The following MEIOSIN variants were observed in gnomAD, a reference collection of about 807,000 sequenced individuals.
MEIOSIN encodes meiosis initiator protein.
A neutral mutation model predicts 23.4 loss-of-function variants in MEIOSIN; 18 were observed. The observed-to-expected ratio is 0.77, with a 90% CI of 0.53 to 1.14. The LOEUF is 1.14. Ranked by LOEUF, MEIOSIN falls within the 50% of genes most tolerant of loss-of-function variation. The pLI is 0.00. For synonymous variants in MEIOSIN, 187 were observed against 100.6 expected (o/e 1.86, Z -5.14); for missense variants, 428 against 242.9 (o/e 1.76, Z -5.07).
intron 2 of MEIOSIN, among the ~76,000 whole-genome samples, chr19:45,736,720 C>A (rs1433152763): frequency 2.6e-5 from 4 of 151,952 alleles, no homozygotes; most frequent in African/African-American, 9.7e-5. Context: ...AGGCGCCCAC[C>A]ACCATGCCTG....
Position 45,757,204 on chromosome 19 carries a change from C to A in MEIOSIN, c.939C>A (p.Ser313Arg), listed in dbSNP as rs780580976. ...AGAAGCTGGTGTTCTATGATTCCAG[C>A]GAGGATGTGGACAAAGGGTCCCTAG... is the stretch of plus-strand genomic sequence containing the variant. The part of the protein sequence containing the change: ...PRQKLVFYDS[S>R]EDVDKGSLDA... The change falls in exon 9 of 15, where the codon AGC (serine) becomes AGA (arginine). Residue 313 changes from serine (S) to arginine (R), a missense_variant. By Grantham distance (110) the Ser-to-Arg change is moderately radical (BLOSUM62 -1). Transcript: ENST00000457052. 2.7e-5 allele frequency: 19 copies of A among 702,810 alleles called. No individual in the cohort carries two copies. The highest frequency in any genetic ancestry group is 2.6e-4 in the African/African-American group (15 of 57,256). 43.5% of individuals were successfully genotyped at this position (702,810 alleles called of 1,614,324 possible).
chr19:45,737,817 G>A (rs1417139918), intron 2 of MEIOSIN, among the ~76,000 whole-genome samples: 1 of 151,726 alleles, frequency 6.6e-6, no homozygotes, highest in Non-Finnish European at 1.5e-5. Context: ...AGCTACTTGG[G>A]AGGCTGAGAC....
At chr19:45,734,610 C>G (rs766967860) in intron 1 of MEIOSIN, among the ~76,000 whole-genome samples, 2 of 151,524 alleles carry the variant, frequency 1.3e-5, no homozygotes, top group Non-Finnish European at 2.9e-5. Context: ...CTCAAACCAT[C>G]CCCCCACCTC....
intron 2 of MEIOSIN, among the ~76,000 whole-genome samples, chr19:45,736,955 G>A (rs1384671771): frequency 3.6e-5 from 5 of 139,454 alleles, no homozygotes; most frequent in Admixed American, 1.5e-4. Context: ...TGCAACCTCC[G>A]CCTCCCGGGT....
chr19:45,760,001 A>C (rs956945781), intron 11 of MEIOSIN, among the ~76,000 whole-genome samples: 5 of 151,670 alleles, frequency 3.3e-5, no homozygotes, highest in African/African-American at 1.2e-4. Flanking sequence ...GGGGTTCACC[A>C]TGTTGGCCAG....
intron 6 of MEIOSIN, 136 bp downstream of exon 6, chr19:45,753,924 T>G: frequency 1.7e-6 from 1 of 597,140 alleles, no homozygotes; most frequent in Non-Finnish European, 3.0e-6. Context: ...CTCCTTGTAT[T>G]AGCACTGAGG....
In MEIOSIN at chr19:45,754,716, A is replaced by G; in HGVS notation, c.794A>G (p.Asp265Gly). ...CTGGCCGAGGACACCATCCACTGTG[A>G]CATCTCAAGTGGGTCTCTTTCCTCA... ...LDLAEDTIHC[D>G]ISSCWCQGSV... Residue 265 changes from aspartate (D) to glycine (G), a missense_variant, in exon 7 of 15, where the codon GAC becomes GGC. Asp to Gly is a moderately conservative substitution (Grantham distance 94). Coordinates refer to ENST00000457052, the MANE Select transcript of MEIOSIN (RefSeq NM_001310124.2). 1 of 703,042 alleles carries G rather than the reference A, an allele frequency of 1.4e-6. No homozygotes were observed. The highest frequency in any genetic ancestry group is 2.6e-6 in the Non-Finnish European group (1 of 385,026). The allele number at this position is 703,042 out of a possible 1,614,324, so 43.6% of individuals were successfully genotyped here.
intron 3 of MEIOSIN, among the ~76,000 whole-genome samples, chr19:45,744,385 A>G (rs1968556359): frequency 6.6e-6 from 1 of 152,140 alleles, no homozygotes; most frequent in South Asian, 2.1e-4. Context: ...CTTCATAGAC[A>G]TATGACCTGG....
intron 2 of MEIOSIN, among the ~76,000 whole-genome samples, chr19:45,737,406 C>T (rs1052108952): frequency 3.3e-5 from 5 of 151,612 alleles, no homozygotes; most frequent in Non-Finnish European, 4.4e-5. Context: ...TCTCAAACTC[C>T]TGGGATCCAG....
intron 2 of MEIOSIN, among the ~76,000 whole-genome samples, chr19:45,736,430 T>C (rs576230182): frequency 1.3e-5 from 2 of 152,212 alleles, no homozygotes; most frequent in South Asian, 4.1e-4. Flanking sequence ...TGGCGCGATC[T>C]TGGTTCACTG....
At chr19:45,762,986 A>T (rs1968978849) in intron 13 of MEIOSIN, among the ~76,000 whole-genome samples, 1 of 152,180 alleles carries the variant, frequency 6.6e-6, no homozygotes, top group Non-Finnish European at 1.5e-5. Context: ...GGTTTTAAGC[A>T]AAGTCCTTGG....
chr19:45,750,580 C>G (rs186862426), intron 4 of MEIOSIN, 95 bp from the exon 5 acceptor site: 2 of 371,932 alleles, frequency 5.4e-6, no homozygotes, highest in Non-Finnish European at 9.8e-6. Flanking sequence ...AGGCTGGTCT[C>G]GAACTCCTGA....
At chr19:45,745,070 C>G (rs1255108909) in intron 3 of MEIOSIN, 122 bp from the exon 4 acceptor site, 1 of 646,362 alleles carries the variant, frequency 1.5e-6, no homozygotes, top group Non-Finnish European at 2.8e-6. Context: ...GGATTCTGTC[C>G]TCGGTGTCCA....
chr19:45,744,301 T>C (rs982815640), intron 3 of MEIOSIN, among the ~76,000 whole-genome samples: 1 of 152,074 alleles, frequency 6.6e-6, no homozygotes, highest in African/African-American at 2.4e-5. Context: ...ATGACAGGTG[T>C]GAGCCACCAT....
In MEIOSIN at chr19:45,756,028, G is replaced by A. The variant is rs1355519513; in HGVS notation, c.861G>A (p.Gln287=). ...DDAPFPALLA[Q]EDVARIHFLN... ...CACCTTTCCCTGCGCTCCTGGCTCA[G>A]GAAGATGTGGCGAGGATCCATTTTC... Residue 287 remains glutamine (Q), a synonymous_variant, in exon 8 of 15, where the codon CAG becomes CAA. Transcript: ENST00000457052. The A allele has an allele frequency of 2.8e-6, 2 of 702,846 alleles. No individual in the cohort carries two copies. The highest frequency in any genetic ancestry group is 5.2e-6 in the Non-Finnish European group (2 of 385,022). The allele number at this position is 702,846 out of a possible 1,614,324, so 43.5% of individuals were successfully genotyped here.
chr19:45,753,613 G>A, intron 5 of MEIOSIN, 38 bp from the exon 6 acceptor site: 2 of 683,802 alleles, frequency 2.9e-6, no homozygotes, highest in Non-Finnish European at 5.3e-6. Context: ...TGCAGATGGG[G>A]TGGGGGATCT....
At chr19:45,762,860 A>G (rs1404611109) in intron 13 of MEIOSIN, among the ~76,000 whole-genome samples, 1 of 152,204 alleles carries the variant, frequency 6.6e-6, no homozygotes, top group Non-Finnish European at 1.5e-5. Flanking sequence ...CTTTTCACCC[A>G]GTTCCTCTGT....
intron 5 of MEIOSIN, among the ~76,000 whole-genome samples, chr19:45,751,613 C>G (rs992919722): frequency 2.0e-5 from 3 of 150,498 alleles, no homozygotes; most frequent in Non-Finnish European, 3.0e-5. Flanking sequence ...CTGCTCACTG[C>G]GACCTCTGCC....
intron 4 of MEIOSIN, among the ~76,000 whole-genome samples, 156 bp downstream of exon 4, chr19:45,745,477 T>C (rs1968576773): frequency 6.6e-6 from 1 of 152,142 alleles, no homozygotes; most frequent in Admixed American, 6.6e-5. Context: ...CGGGAGTCTG[T>C]GATCCCATAA....
Sources: allele counts gnomAD v4.1 joint callset (sites outside exome capture counted in the v4.1 genomes callset), GRCh38; gene constraint gnomAD v4.1.1; transcripts MANE v1.5; gene names NCBI Gene and HGNC (gene_info 2026-07-23, HGNC 2026-07-21).